Variants in ITIH6 observed in about 807,000 individuals in gnomAD.
ITIH6 encodes inter-alpha-trypsin inhibitor heavy chain H6.
In ITIH6, 60 loss-of-function variants were observed where a neutral mutation model predicts 58.2. The observed-to-expected ratio is 1.03, with a 90% confidence interval of 0.84 to 1.28. The LOEUF (loss-of-function observed/expected upper bound fraction) is 1.28, where lower values mean the gene tolerates loss of function less well. Ranked by LOEUF, ITIH6 falls within the 50% of genes most tolerant of loss-of-function variation. The probability of loss-of-function intolerance (pLI) is 0.00; values close to 1 mark genes in which losing one functional copy is unlikely to be tolerated. For synonymous variants in ITIH6, 493 were observed against 417.4 expected (o/e 1.18, Z -2.21); for missense variants, 1,290 against 1,021.1 (o/e 1.26, Z -3.59).
intron 6 of ITIH6, among the ~76,000 whole-genome samples, chrX:54,771,470 T>C (rs1453221511): frequency 8.9e-6 from 1 of 112,250 alleles, no homozygotes; most frequent in African/African-American, 3.2e-5. Flanking sequence ...TCCAGTCTAC[T>C]GATGAGTGAA....
At chrX:54,797,637 A>T (rs1178448331) in intron 1 of ITIH6, among the ~76,000 whole-genome samples, 1 of 111,699 alleles carries the variant, frequency 9.0e-6, no homozygotes, top group Non-Finnish European at 1.9e-5. Flanking sequence ...ACAATCATGC[A>T]CTGCAAGCAT....
At position 54,791,030 on chromosome X, in the gene ITIH6, C is replaced by A. The variant is rs1259573053; in HGVS notation, c.423G>T (p.Glu141Asp). The part of the protein sequence containing the change: ...RISTSLAAGT[E>D]VTFSLAYEEL... Reference sequence around the variant, plus strand: ...CCTCATAGGCCAGGGAAAAAGTCACCTCTGTGCCTGCTGCCAGGCTGGTGG... The same window carrying A: ...CCTCATAGGCCAGGGAAAAAGTCACATCTGTGCCTGCTGCCAGGCTGGTGG... The change falls in exon 4 of 13, where the codon GAG (glutamate) becomes GAT (aspartate). Residue 141 changes from glutamate to aspartate, a missense_variant. Glu to Asp is a conservative substitution (Grantham distance 45). Transcript: ENST00000218436. The A allele has an allele frequency of 8.3e-7, 1 of 1,211,649 alleles. No homozygotes were observed. The highest frequency in any genetic ancestry group is 1.1e-6 in the Non-Finnish European group (1 of 895,249).
intron 2 of ITIH6, among the ~76,000 whole-genome samples, chrX:54,795,761 T>C (rs1483369347): frequency 5.4e-5 from 6 of 112,058 alleles, no homozygotes; most frequent in Admixed American, 9.5e-5. Flanking sequence ...AGCCTGGGAA[T>C]AGGAAACCCA....
In ITIH6 at chrX:54,760,421, G is replaced by C. The variant is rs999212592; in HGVS notation, c.904-494C>G. 2.3e-3 allele frequency among the ~76,000 whole-genome samples: 260 copies of C among 110,989 alleles called. 2 individuals are homozygous for C. The highest frequency in any genetic ancestry group is 5.1e-4 in the Non-Finnish European group (27 of 52,917). ...ATGACCCGGGATTCAATGATGTTTA[G>C]GACCTTTATGATCCCAGGTCTCTTT... On this transcript the variant is annotated intron_variant, in intron 6 of 12. Transcript: ENST00000218436.
intron 6 of ITIH6, among the ~76,000 whole-genome samples, chrX:54,761,397 G>C (rs371445807): frequency 0.096 from 10,620 of 110,701 alleles, 1,328 homozygotes; most frequent in African/African-American, 0.33. Context: ...TGCCTGTTCA[G>C]TCTGATGGTA....
At position 54,757,338 on chromosome X, in the gene ITIH6, T is replaced by C. The variant is rs143627637; in HGVS notation, c.2736A>G (p.Thr912=). ...STFPNTISSS[T]GPSSTTTTSV... ...AGGTGGTTGTGGTACTGCTGGGACC[T>C]GTGGAACTTGAGATTGTATTTGGGA... The change falls in exon 8 of 13, where the codon ACA becomes ACG. Residue 912 remains threonine, a synonymous_variant. Transcript: ENST00000218436. 7 of 1,200,935 alleles carry C rather than the reference T, an allele frequency of 5.8e-6. No individual in the cohort carries two copies. Among genetic ancestry groups the C allele is most frequent in the Non-Finnish European group, 7.9e-6 (7 of 890,529 alleles).
intron 6 of ITIH6, among the ~76,000 whole-genome samples, chrX:54,771,361 T>C (rs1371382100): frequency 8.9e-6 from 1 of 112,179 alleles, no homozygotes. Flanking sequence ...TTCTTGGATA[T>C]TCTAGGGTGT....
intron 5 of ITIH6, among the ~76,000 whole-genome samples, chrX:54,788,192 G>T (rs1214062419): frequency 8.9e-6 from 1 of 111,855 alleles, no homozygotes; most frequent in Non-Finnish European, 1.9e-5. Context: ...GTGGCCAAGG[G>T]TTTACTTTGC....
At chrX:54,774,564 A>T (rs1466248687) in intron 5 of ITIH6, among the ~76,000 whole-genome samples, 3 of 112,811 alleles carry the variant, frequency 2.7e-5, no homozygotes, top group Non-Finnish European at 5.6e-5. Context: ...CAGGAACTCC[A>T]AGTATTGTTT....
intron 8 of ITIH6, 43 bp downstream of exon 8, chrX:54,756,922 A>T: frequency 1.1e-6 from 1 of 896,006 alleles, no homozygotes; most frequent in South Asian, 2.5e-5. Flanking sequence ...CTGTCCATTC[A>T]TACCTCACCC....
In ITIH6 at chrX:54,750,123, C is replaced by T. The variant is rs751387919; in HGVS notation, c.3731-17G>A. On this transcript the variant is annotated splice_polypyrimidine_tract_variant and intron_variant, in intron 12 of 12. Coordinates refer to ENST00000218436, the MANE Select transcript of ITIH6 (RefSeq NM_198510.3). The stretch of plus-strand genomic sequence containing the variant: ...GGAACTGCCCTGAGGGAGAGAGATG[C>T]AGTGCTAGTCAGGGAGGTGGCCTGA... 8.7e-7 allele frequency: 1 copy of T among 1,155,896 alleles called. No individual in the cohort carries two copies.
chrX:54,768,759 G>A (rs1327752239), intron 6 of ITIH6, among the ~76,000 whole-genome samples: 1 of 102,639 alleles, frequency 9.7e-6, no homozygotes, highest in African/African-American at 3.8e-5. Context: ...CTGTTAGTCT[G>A]ATGGGCTTCC....
chrX:54,757,856 T>A lies in ITIH6; in HGVS notation c.2218A>T (p.Lys740Ter), dbSNP rs1233989095. 8.3e-7 allele frequency: 1 copy of A among 1,209,664 alleles called. No individual in the cohort carries two copies. Among genetic ancestry groups the A allele is most frequent in the African/African-American group, 1.8e-5 (1 of 57,039 alleles). The change falls in exon 8 of 13, where the codon AAG (lysine) becomes TAG (stop). Residue 740 changes from lysine (K) to a stop codon, truncating the protein, a stop_gained. Coordinates refer to ENST00000218436, the MANE Select transcript of ITIH6 (RefSeq NM_198510.3). LOFTEE classifies it high-confidence loss of function. ...PSNSGTLLPL[K>*]PGSLSHQNPD... Reference sequence around the variant, plus strand: ...TTCTGGTGTGATAGAGAGCCGGGCTTCAGAGGCAACAGAGTACCAGAATTT... The same window carrying A: ...TTCTGGTGTGATAGAGAGCCGGGCTACAGAGGCAACAGAGTACCAGAATTT...
chrX:54,759,664 A>G, intron 7 of ITIH6, 92 bp downstream of exon 7: 1 of 695,387 alleles, frequency 1.4e-6, no homozygotes, highest in South Asian at 2.9e-5. Flanking sequence ...GAACTGTGAG[A>G]GTTGAGGAGG....
In ITIH6 at chrX:54,757,858, A is replaced by C; in HGVS notation, c.2216T>G (p.Leu739Arg). Residue 739 changes from leucine to arginine, a missense_variant, in exon 8 of 13, where the codon CTG becomes CGG. By Grantham distance (102) the Leu-to-Arg change is moderately radical. Coordinates refer to ENST00000218436, the MANE Select transcript of ITIH6 (RefSeq NM_198510.3). ...VPSNSGTLLPLKPGSLSHQNP... is the reference protein window; with the variant it reads ...VPSNSGTLLPRKPGSLSHQNP... ...CTGGTGTGATAGAGAGCCGGGCTTC[A>C]GAGGCAACAGAGTACCAGAATTTGA... 8.3e-7 allele frequency: 1 copy of C among 1,211,627 alleles called. No homozygotes were observed.
intron 2 of ITIH6, among the ~76,000 whole-genome samples, chrX:54,794,962 C>T (rs1187105501): frequency 9.0e-6 from 1 of 111,395 alleles, no homozygotes; most frequent in Non-Finnish European, 1.9e-5. Flanking sequence ...TCTAACAAGC[C>T]GAAAAAAGGT....
At chrX:54,773,979 G>A in intron 6 of ITIH6, 102 bp downstream of exon 6, 3 of 459,795 alleles carry the variant, frequency 6.5e-6, no homozygotes, top group Non-Finnish European at 1.1e-5. Context: ...AGGGTCATGG[G>A]ATGGTGGAAT....
At chrX:54,765,304 CT>C (rs1252596216) in intron 6 of ITIH6, among the ~76,000 whole-genome samples, 1 of 69,462 alleles carries the variant, frequency 1.4e-5, no homozygotes, top group African/African-American at 5.7e-5. Flanking sequence ...GTTGCCATTG[CT>C]TTTGGTGTTT....
chrX:54,750,034 G>T lies in ITIH6; in HGVS notation c.3803C>A (p.Pro1268Gln). 8.3e-7 allele frequency: 1 copy of T among 1,211,272 alleles called. No homozygotes were observed. Reference sequence around the variant, plus strand: ...CTTGCCTAGAATCACAGGCACATCTGGGCCATGGTGCCTTCGTAAGCATGG... The same window carrying T: ...CTTGCCTAGAATCACAGGCACATCTTGGCCATGGTGCCTTCGTAAGCATGG... ...MGPCLRRHHG[P>Q]DVPVILGKRL... The change falls in exon 13 of 13, where the codon CCA (proline) becomes CAA (glutamine). Residue 1268 changes from proline to glutamine, a missense_variant. By Grantham distance (76) the Pro-to-Gln change is moderately conservative (BLOSUM62 -1). Transcript: ENST00000218436.
Sources: gnomAD v4.1 joint callset for allele counts (sites outside exome capture counted in the v4.1 genomes callset) on GRCh38, gnomAD v4.1.1 for gene constraint, MANE v1.5 for transcripts, NCBI Gene and HGNC (gene_info 2026-07-23, HGNC 2026-07-21) for gene names.